The following SORCS2 variants were observed in gnomAD, a reference collection of about 807,000 sequenced individuals.
SORCS2 encodes sortilin related VPS10 domain containing receptor 2, also known as VPS10 domain-containing receptor SorCS2.
A neutral mutation model predicts 141.6 loss-of-function variants in SORCS2; 100 were observed. The observed-to-expected ratio is 0.71, with a 90% CI of 0.60 to 0.83. The LOEUF (loss-of-function observed/expected upper bound fraction) is 0.83. SORCS2 is among the 40% of genes least tolerant of loss of function. The probability of loss-of-function intolerance (pLI) is 0.00; values close to 1 mark genes in which losing one functional copy is unlikely to be tolerated. For synonymous variants in SORCS2, 789 were observed against 676.9 expected, an observed-to-expected ratio of 1.17 and a Z score of -2.57; for missense variants, 1,646 against 1,560.2, an observed-to-expected ratio of 1.05 and a Z score of -0.93.
intron 2 of SORCS2, among the ~76,000 whole-genome samples, chr4:7,513,451 C>T (rs1732786836): frequency 6.6e-6 from 1 of 152,212 alleles, no homozygotes; most frequent in Non-Finnish European, 1.5e-5. Flanking sequence ...GATTCACCTG[C>T]AGCCCAGCCA....
At chr4:7,620,972 G>A (rs73794316) in intron 3 of SORCS2, among the ~76,000 whole-genome samples, 7,263 of 152,182 alleles carry the variant, frequency 0.048, 524 homozygotes, top group African/African-American at 0.16. Flanking sequence ...CCCTGTGTTA[G>A]CCCACCACCA....
At chr4:7,728,281 C>A (rs1337865335) in intron 21 of SORCS2, 69 bp from the exon 22 acceptor site, 9 of 1,192,586 alleles carry the variant, frequency 7.5e-6, no homozygotes, top group Non-Finnish European at 1.1e-5. Context: ...TGCCCCCGAC[C>A]CCCACCCTGG....
chr4:7,580,204 G>T (rs1716049892), intron 3 of SORCS2, among the ~76,000 whole-genome samples: 1 of 152,160 alleles, frequency 6.6e-6, no homozygotes, highest in Non-Finnish European at 1.5e-5. Flanking sequence ...TTGCACAAAT[G>T]GGTGTGGTGG....
At chr4:7,577,624 A>G (rs985668894) in intron 3 of SORCS2, among the ~76,000 whole-genome samples, 1 of 150,534 alleles carries the variant, frequency 6.6e-6, no homozygotes, top group Non-Finnish European at 1.5e-5. Context: ...GTCATATAGC[A>G]TACAGGCGAA....
chr4:7,356,387 G>C (rs1015282026), intron 1 of SORCS2, among the ~76,000 whole-genome samples: 3 of 152,226 alleles, frequency 2.0e-5, no homozygotes, highest in African/African-American at 7.2e-5. Context: ...GGCTCTGGCT[G>C]AGTTTCTGGT....
chr4:7,713,387 G>A (rs377074225), intron 15 of SORCS2, among the ~76,000 whole-genome samples: 11 of 152,142 alleles, frequency 7.2e-5, no homozygotes, highest in Admixed American at 3.3e-4. Context: ...GAGTGTGGGG[G>A]CCTGGAACTG....
intron 3 of SORCS2, among the ~76,000 whole-genome samples, chr4:7,581,944 T>C (rs977825964): frequency 2.0e-5 from 3 of 152,264 alleles, no homozygotes; most frequent in South Asian, 2.1e-4. Context: ...CTTTATTTCA[T>C]AGTCGAGACA....
At chr4:7,455,318 G>A (rs1399734630) in intron 2 of SORCS2, among the ~76,000 whole-genome samples, 1 of 60,926 alleles carries the variant, frequency 1.6e-5, no homozygotes, top group Non-Finnish European at 3.1e-5. Context: ...TTGGGGTCAG[G>A]CTCTGTGTTG....
chr4:7,198,508 G>A (rs1286172769), intron 1 of SORCS2, among the ~76,000 whole-genome samples: 1 of 152,164 alleles, frequency 6.6e-6, no homozygotes, highest in East Asian at 1.9e-4. Flanking sequence ...TGGGGTGGAG[G>A]CTGGATTGGA....
Position 7,269,109 on chromosome 4 carries a change from C to T in SORCS2, c.480+75983C>T, listed in dbSNP as rs763966316. The stretch of plus-strand genomic sequence containing the variant: ...CCGATTCAGCATCAGCGTTGCAGGG[C>T]GTCACCTCTGCCAGGCCCTGTGCTG... On this transcript the variant is annotated intron_variant, in intron 1 of 26. Transcript: ENST00000507866. Among the ~76,000 whole-genome samples, 84 of 151,996 alleles carry T rather than the reference C, an allele frequency of 5.5e-4. 1 individual carries two copies. Among genetic ancestry groups the T allele is most frequent in the Non-Finnish European group, 9.1e-4 (62 of 67,994 alleles).
intron 1 of SORCS2, among the ~76,000 whole-genome samples, chr4:7,284,880 G>C (rs963337960): frequency 6.6e-6 from 1 of 152,084 alleles, no homozygotes; most frequent in Admixed American, 6.5e-5. Context: ...TCTGGTTTCT[G>C]GTGGCCCCAG....
At chr4:7,244,762 A>T (rs1200203144) in intron 1 of SORCS2, among the ~76,000 whole-genome samples, 2 of 152,186 alleles carry the variant, frequency 1.3e-5, no homozygotes, top group African/African-American at 2.4e-5. Context: ...TTAGGGGTGA[A>T]CTGTTTTCGG....
intron 1 of SORCS2, among the ~76,000 whole-genome samples, chr4:7,195,859 C>A (rs1468109163): frequency 6.6e-6 from 1 of 152,248 alleles, no homozygotes. Context: ...GAGCAGTCTT[C>A]TTAACGTTTT....
chr4:7,565,580 T>C (rs1313877614), intron 3 of SORCS2, among the ~76,000 whole-genome samples: 1 of 152,134 alleles, frequency 6.6e-6, no homozygotes, highest in Non-Finnish European at 1.5e-5. Flanking sequence ...ATGATGGTGA[T>C]GAAGTGATGA....
chr4:7,733,893 C>A (rs1441958414), intron 24 of SORCS2, among the ~76,000 whole-genome samples: 4 of 152,218 alleles, frequency 2.6e-5, no homozygotes, highest in Non-Finnish European at 2.9e-5. Flanking sequence ...CAAGGCCACA[C>A]AGGACGCACT....
Position 7,192,993 on chromosome 4 carries a change from G to C in SORCS2, c.347G>C (p.Arg116Pro). The change falls in exon 1 of 27, where the codon CGC becomes CCC. Residue 116 changes from arginine (R) to proline (P), a missense_variant. Arg to Pro is a moderately radical substitution (Grantham distance 103). Transcript: ENST00000507866. This position sits in a 1 kb window ranked among gnomAD's most constrained non-coding sequence, Gnocchi z 4.0. The stretch of plus-strand genomic sequence containing the variant: ...GGCGCCCCCGCCGCGGGCTACCGGC[G>C]CTGGGAGCGGGCGGCGCCGCTGGCC... ...EDGAPAAGYRRWERAAPLAGV... is the reference protein window; with the variant it reads ...EDGAPAAGYRPWERAAPLAGV... 9 of 1,444,884 alleles carry C rather than the reference G, an allele frequency of 6.2e-6. No homozygotes were observed. Among genetic ancestry groups the C allele is most frequent in the Non-Finnish European group, 7.2e-6 (8 of 1,106,168 alleles). The allele number at this position is 1,444,884 out of a possible 1,614,324, so 89.5% of individuals were successfully genotyped here.
chr4:7,603,345 G>A (rs114693312), intron 3 of SORCS2, among the ~76,000 whole-genome samples: 7,649 of 152,234 alleles, frequency 0.05, 249 homozygotes, highest in African/African-American at 0.069. Context: ...GAAATTGATT[G>A]TAATGAGGTT....
At chr4:7,543,633 CAT>C (rs1712902677) in intron 3 of SORCS2, among the ~76,000 whole-genome samples, 1 of 138,984 alleles carries the variant, frequency 7.2e-6, no homozygotes, top group African/African-American at 2.6e-5. Context: ...TCCATCCACC[CAT>C]CCGTCCATCC....
At position 7,703,265 on chromosome 4, in the gene SORCS2, C is replaced by T; in HGVS notation, c.1669-15C>T. The T allele has an allele frequency of 6.2e-7, 1 of 1,603,346 alleles. No homozygotes were observed. The highest frequency in any genetic ancestry group is 1.3e-5 in the African/African-American group (1 of 74,770). On this transcript the variant is annotated splice_polypyrimidine_tract_variant and intron_variant, in intron 12 of 26. Coordinates refer to ENST00000507866, the MANE Select transcript of SORCS2 (RefSeq NM_020777.3). ...TCTCAGGCCCTGCCCTCAGCCACAC[C>T]ACTCTCCTCTGCAGGTGTTTGAGGA... is the stretch of plus-strand genomic sequence containing the variant.
Sources: allele counts gnomAD v4.1 joint callset (sites outside exome capture counted in the v4.1 genomes callset), GRCh38; gene constraint gnomAD v4.1.1; non-coding constraint Gnocchi (gnomAD v3.1); transcripts MANE v1.5; gene names NCBI Gene and HGNC (gene_info 2026-07-23, HGNC 2026-07-21).